POR: variants seen among roughly 807,000 people sequenced by gnomAD.
POR encodes the protein NADPH--cytochrome P450 reductase.
In POR, 56 loss-of-function variants were observed where a neutral mutation model predicts 84.0. The ratio of observed to expected loss-of-function variants is 0.67; its 90% CI spans 0.54 to 0.83. The LOEUF is 0.83. POR is among the 40% of genes least tolerant of loss of function. The pLI, the probability that POR is intolerant of heterozygous loss-of-function variation, is 0.00. For missense variants in POR, 938 were observed against 944.3 expected (o/e 0.99, Z 0.09); for synonymous variants, 414 against 400.5 (o/e 1.03, Z -0.40).
intron 3 of POR, among the ~76,000 whole-genome samples, chr7:75,978,882 C>G (rs1788834962): frequency 6.6e-6 from 1 of 151,566 alleles, no homozygotes. Flanking sequence ...CTGCAACCTC[C>G]ACCTCCTGGG....
chr7:75,928,449 C>T (rs1235701254), intron 1 of POR, among the ~76,000 whole-genome samples: 2 of 152,200 alleles, frequency 1.3e-5, no homozygotes, highest in African/African-American at 2.4e-5. Flanking sequence ...AAGTTAACTT[C>T]GGGTAATGGC....
At chr7:75,967,597 G>A (rs1788242421) in intron 2 of POR, among the ~76,000 whole-genome samples, 1 of 151,934 alleles carries the variant, frequency 6.6e-6, no homozygotes, top group Non-Finnish European at 1.5e-5. Flanking sequence ...CAACCTGCAG[G>A]CTGTCTTCTA....
At chr7:75,936,086 CTTTTTTTTTTTTT>C (rs869164954) in intron 1 of POR, among the ~76,000 whole-genome samples, 2 of 99,774 alleles carry the variant, frequency 2.0e-5, no homozygotes, top group African/African-American at 8.4e-5. Context: ...TTCTTTCTTT[CTTTTTTTTTTTTT>C]TTTTTTTTTT....
Position 75,981,080 on chromosome 7 carries a change from C to T in POR, c.549C>T (p.His183=). 2 of 1,575,648 alleles carry T rather than the reference C, an allele frequency of 1.3e-6. No individual in the cohort carries two copies. Among genetic ancestry groups the T allele is most frequent in the Non-Finnish European group, 1.7e-6 (2 of 1,161,324 alleles). Residue 183 remains histidine (H), a synonymous_variant, in exon 6 of 16, where the codon CAC becomes CAT. Coordinates refer to ENST00000461988, the MANE Select transcript of POR (RefSeq NM_000941.3). ...GTCTTGGGAACAAGACCTACGAGCA[C>T]TTCAATGCCATGGGCAAGTACGTGG... is the stretch of plus-strand genomic sequence containing the variant.
intron 1 of POR, among the ~76,000 whole-genome samples, chr7:75,952,524 A>G (rs1356617213): frequency 1.3e-5 from 2 of 151,340 alleles, no homozygotes; most frequent in Non-Finnish European, 2.9e-5. Flanking sequence ...CACTTCCCAG[A>G]TGGGGTGGCT....
In POR at chr7:75,982,199, C is replaced by G. The variant is rs782276623; in HGVS notation, c.732-25C>G. ...GGACTGACCCCTGCCGCTTCCCGGCCTCACCCTTGGTCTCCCCTTTCCAGC... is the reference window on the plus strand; with the variant it reads ...GGACTGACCCCTGCCGCTTCCCGGCGTCACCCTTGGTCTCCCCTTTCCAGC... On this transcript the variant is annotated intron_variant, in intron 7 of 15. Transcript: ENST00000461988. 1.3e-5 allele frequency: 20 copies of G among 1,589,120 alleles called. No individual in the cohort carries two copies. In the African/African-American group the frequency reaches 1.3e-4, roughly 11 times the overall value.
intron 1 of POR, among the ~76,000 whole-genome samples, chr7:75,949,365 A>G (rs1015257833): frequency 3.3e-5 from 5 of 152,092 alleles, no homozygotes; most frequent in Admixed American, 2.0e-4. Context: ...TGTGTTGGCC[A>G]GGCTGGTCTT....
chr7:75,930,064 A>C (rs1380422641), intron 1 of POR, among the ~76,000 whole-genome samples: 2 of 152,168 alleles, frequency 1.3e-5, no homozygotes, highest in Non-Finnish European at 2.9e-5. Flanking sequence ...AGGGCTTTGA[A>C]TCTGAGTCTG....
chr7:75,923,572 CTG>C, intron 1 of POR: 1 of 349,512 alleles, frequency 2.9e-6, no homozygotes, highest in South Asian at 2.6e-5. Context: ...TCTTCAAAAA[CTG>C]TAAAGGAAGG....
rs1469610345 is a variant in POR, at chr7:75,983,784, G to A, written c.994G>A (p.Ala332Thr). ...GGCTGTGTACCCAGCCAACGACTCT[G>A]CTCTCGTCAACCAGCTGGGCAAAAT... is the stretch of plus-strand genomic sequence containing the variant. Residue 332 changes from alanine to threonine, a missense_variant, in exon 10 of 16, where the codon GCT (alanine) becomes ACT (threonine). Transcript: ENST00000461988. The A allele has an allele frequency of 1.3e-5, 21 of 1,612,360 alleles. No homozygotes were observed. The highest frequency in any genetic ancestry group is 1.8e-5 in the Non-Finnish European group (21 of 1,179,742).
At position 75,954,108 on chromosome 7, in the gene POR, G is replaced by T. The variant is rs1199443326; in HGVS notation, c.116G>T (p.Gly39Val). 6 of 1,613,404 alleles carry T rather than the reference G, an allele frequency of 3.7e-6. No individual in the cohort carries two copies. The highest frequency in any genetic ancestry group is 5.1e-6 in the Non-Finnish European group (6 of 1,179,638). Reference sequence around the variant, plus strand: ...ATGATTCTGTTTTCGCTCATCGTGGGTCTCCTAACCTACTGGTTCCTCTTC... The same window carrying T: ...ATGATTCTGTTTTCGCTCATCGTGGTTCTCCTAACCTACTGGTTCCTCTTC... Residue 39 changes from glycine (G) to valine (V), a missense_variant, in exon 2 of 16, where the codon GGT becomes GTT. Gly to Val is a moderately radical substitution (Grantham distance 109). Coordinates refer to ENST00000461988, the MANE Select transcript of POR (RefSeq NM_000941.3).
In POR at chr7:75,986,164, C is replaced by T. The variant is rs782221429; in HGVS notation, c.1821C>T (p.Tyr607=). ...AGCACCACCCTTGGCCCCAGGTCTA[C>T]GTCCAGCACCTGCTAAAGCAAGACC... is the stretch of plus-strand genomic sequence containing the variant. The change falls in exon 15 of 16, where the codon TAC becomes TAT. Residue 607 remains tyrosine (Y), a synonymous_variant. Coordinates refer to ENST00000461988, the MANE Select transcript of POR (RefSeq NM_000941.3). 22 of 1,610,618 alleles carry T rather than the reference C, an allele frequency of 1.4e-5. No individual in the cohort carries two copies. Among genetic ancestry groups the T allele is most frequent in the Admixed American group, 6.7e-5 (4 of 59,724 alleles).
At chr7:75,916,982 T>A (rs1387370093) in intron 1 of POR, among the ~76,000 whole-genome samples, 1 of 152,202 alleles carries the variant, frequency 6.6e-6, no homozygotes, top group Non-Finnish European at 1.5e-5. Flanking sequence ...GACAGGCCAA[T>A]TGAAATCAAA....
At chr7:75,918,007 A>C (rs1806657477) in intron 1 of POR, among the ~76,000 whole-genome samples, 1 of 152,072 alleles carries the variant, frequency 6.6e-6, no homozygotes, top group Admixed American at 6.6e-5. Context: ...CTATAAAAAA[A>C]ATACAAATAC....
At chr7:75,936,971 C>A (rs782532245) in intron 1 of POR, among the ~76,000 whole-genome samples, 2 of 151,316 alleles carry the variant, frequency 1.3e-5, no homozygotes, top group Admixed American at 6.6e-5. Context: ...GGATTACAGG[C>A]GCCCGCCACC....
chr7:75,954,215 C>T (rs1554553419), intron 2 of POR, 35 bp downstream of exon 2: 2 of 1,560,390 alleles, frequency 1.3e-6, no homozygotes, highest in Non-Finnish European at 1.8e-6. Flanking sequence ...CTCTCTGTCC[C>T]TCTTCTGTCA....
intron 1 of POR, among the ~76,000 whole-genome samples, chr7:75,934,405 G>T (rs1226092278): frequency 6.6e-6 from 1 of 152,046 alleles, no homozygotes; most frequent in Non-Finnish European, 1.5e-5. Flanking sequence ...ACTTAAAGTT[G>T]GAGTTTATAT....
intron 1 of POR, among the ~76,000 whole-genome samples, chr7:75,928,247 G>C (rs1173880858): frequency 6.6e-6 from 1 of 152,136 alleles, no homozygotes; most frequent in African/African-American, 2.4e-5. Flanking sequence ...GGGATTACAG[G>C]TGTGAGCCAC....
intron 2 of POR, among the ~76,000 whole-genome samples, 187 bp downstream of exon 2, chr7:75,954,367 A>G (rs1787589323): frequency 6.6e-6 from 1 of 152,114 alleles, no homozygotes. Flanking sequence ...TGTGGGGTTT[A>G]TAAGGCCCTT....
Sources: allele counts gnomAD v4.1 joint callset (sites outside exome capture counted in the v4.1 genomes callset), GRCh38; gene constraint gnomAD v4.1.1; transcripts MANE v1.5; gene names NCBI Gene and HGNC (gene_info 2026-07-23, HGNC 2026-07-21).